Variants in YTHDF1 observed in about 807,000 individuals in gnomAD.
YTHDF1 encodes YTH N6-methyladenosine RNA binding protein F1.
A neutral mutation model predicts 49.1 loss-of-function variants in YTHDF1; 16 were observed. The ratio of observed to expected loss-of-function variants is 0.33; its 90% CI spans 0.22 to 0.49. The LOEUF (loss-of-function observed/expected upper bound fraction) is 0.49. YTHDF1 is among the 20% of genes least tolerant of loss of function. The pLI is 0.99. For synonymous variants in YTHDF1, 313 were observed against 290.1 expected, an observed-to-expected ratio of 1.08 and a Z score of -0.80; for missense variants, 621 against 744.3, an observed-to-expected ratio of 0.83 and a Z score of 1.93.
intron 3 of YTHDF1, among the ~76,000 whole-genome samples, chr20:63,208,111 A>T (rs1403114364): frequency 6.6e-6 from 1 of 152,228 alleles, no homozygotes; most frequent in East Asian, 1.9e-4. Context: ...TTTAAGTTGA[A>T]GTTCAATGGT....
intron 4 of YTHDF1, among the ~76,000 whole-genome samples, chr20:63,199,380 G>A (rs1198905619): frequency 1.3e-5 from 2 of 152,098 alleles, no homozygotes; most frequent in African/African-American, 2.4e-5. Context: ...TTCGCTGGGC[G>A]TGGTGGCAAG....
intron 4 of YTHDF1, 34 bp from the exon 5 acceptor site, chr20:63,196,768 G>A: frequency 6.2e-7 from 1 of 1,613,318 alleles, no homozygotes; most frequent in Non-Finnish European, 8.5e-7. Flanking sequence ...TGAACGCAGA[G>A]TAACCACACC....
At chr20:63,204,886 G>A (rs1432582452) in intron 3 of YTHDF1, among the ~76,000 whole-genome samples, 1 of 152,122 alleles carries the variant, frequency 6.6e-6, no homozygotes, top group Admixed American at 6.5e-5. Flanking sequence ...TGACTTTCGT[G>A]TGAGGTGTGT....
rs1313377636 is a variant in YTHDF1 at position 63,215,768 on chromosome 20, G to T, written c.27+98C>A. On this transcript the variant is annotated intron_variant, in intron 1 of 4. Coordinates refer to ENST00000370339, the MANE Select transcript of YTHDF1 (RefSeq NM_017798.4). ...GAGACCCCGGTCCCGCCTGGGCCCG[G>T]CCTCCGCGACCCCGGGCTCTGCGTT... The T allele has an allele frequency of 2.2e-6, 3 of 1,382,128 alleles. No individual in the cohort carries two copies. In the African/African-American group the frequency reaches 4.6e-5, roughly 21 times the overall value. 85.6% of individuals were successfully genotyped at this position (1,382,128 alleles called of 1,614,324 possible).
At chr20:63,200,891 A>G (rs2066514111) in intron 4 of YTHDF1, among the ~76,000 whole-genome samples, 1 of 152,116 alleles carries the variant, frequency 6.6e-6, no homozygotes, top group South Asian at 2.1e-4. Flanking sequence ...TTCATTTTAT[A>G]CCTAAAAGTC....
At chr20:63,208,305 T>G (rs757378182) in intron 3 of YTHDF1, among the ~76,000 whole-genome samples, 11 of 152,070 alleles carry the variant, frequency 7.2e-5, no homozygotes, top group Non-Finnish European at 1.6e-4. Flanking sequence ...GTATTAAGGG[T>G]ACTGCTGAAA....
At chr20:63,214,604 G>A (rs1476135947) in intron 2 of YTHDF1, among the ~76,000 whole-genome samples, 1 of 152,158 alleles carries the variant, frequency 6.6e-6, no homozygotes, top group Non-Finnish European at 1.5e-5. Context: ...GGAGAGGCGG[G>A]ACAACTTGAA....
intron 3 of YTHDF1, among the ~76,000 whole-genome samples, chr20:63,205,695 GAC>G (rs1405404766): frequency 6.6e-6 from 1 of 152,040 alleles, no homozygotes; most frequent in Non-Finnish European, 1.5e-5. Flanking sequence ...TTTTAGTAGA[GAC>G]AGGATTTCAT....
At chr20:63,210,944 T>G (rs922781684) in intron 3 of YTHDF1, among the ~76,000 whole-genome samples, 1 of 152,154 alleles carries the variant, frequency 6.6e-6, no homozygotes, top group Non-Finnish European at 1.5e-5. Context: ...CAACTAGGAC[T>G]GAAACTCTAG....
At position 63,202,862 on chromosome 20, in the gene YTHDF1, G is replaced by A; in HGVS notation, c.1078C>T (p.Pro360Ser). 6.2e-7 allele frequency: 1 copy of A among 1,613,940 alleles called. No individual in the cohort carries two copies. Among genetic ancestry groups the A allele is most frequent in the Non-Finnish European group, 8.5e-7 (1 of 1,180,056 alleles). ...SPGNVQPNSA[P>S]SVESHPVLEK... The stretch of plus-strand genomic sequence containing the variant: ...AGGACGGGGTGGGATTCGACGCTGG[G>A]GGCAGAATTAGGCTGGACGTTTCCA... The change falls in exon 4 of 5, where the codon CCC becomes TCC. Residue 360 changes from proline (P) to serine (S), a missense_variant. Physicochemically the swap from Pro to Ser is moderately conservative, Grantham distance 74. Transcript: ENST00000370339.
At chr20:63,199,970 C>G (rs1044169438) in intron 4 of YTHDF1, among the ~76,000 whole-genome samples, 3 of 152,134 alleles carry the variant, frequency 2.0e-5, no homozygotes, top group Non-Finnish European at 4.4e-5. Context: ...AGGAAGACCG[C>G]TTGAGCCCAG....
Position 63,196,730 on chromosome 20 carries a change from C to A in YTHDF1, c.1658G>T (p.Arg553Leu). Residue 553 changes from arginine (R) to leucine (L), a missense_variant, in exon 5 of 5, where the codon CGG becomes CTG. Arg to Leu is a moderately radical substitution (Grantham distance 102, BLOSUM62 -2). Around this residue, in one of 2 missense-constraint regions of YTHDF1, gnomAD observed 151 missense variants for 248.5 expected, o/e 0.61. Transcript: ENST00000370339. ...QEEEEVVRKERQSRNKQ is the reference protein window; with the variant it reads ...QEEEEVVRKELQSRNKQ The stretch of plus-strand genomic sequence containing the variant: ...CCCTCATTGTTTGTTTCGACTCTGC[C>A]GTTCCTGTAAAAAGAAAAAACAAAA... The A allele has an allele frequency of 6.2e-7, 1 of 1,613,686 alleles. No homozygotes were observed. Among genetic ancestry groups the A allele is most frequent in the Non-Finnish European group, 8.5e-7 (1 of 1,179,914 alleles).
rs2122967247 is a variant in YTHDF1, at chr20:63,195,794, T to C, written c.*914A>G. The C allele has an allele frequency of 6.6e-6, 1 of 152,320 alleles. No individual in the cohort carries two copies. The highest frequency in any genetic ancestry group is 3.4e-3 in the Middle Eastern group (1 of 294). 9.4% of individuals were successfully genotyped at this position (152,320 alleles called of 1,614,324 possible). A position where few individuals can be genotyped will look rare whatever the true frequency, so the allele number is the denominator to read the frequency against. On this transcript the variant is annotated 3_prime_UTR_variant, in exon 5 of 5. Coordinates refer to ENST00000370339, the MANE Select transcript of YTHDF1 (RefSeq NM_017798.4). ...TTCTAAAAAAAGTTTTGTTTTGTTT[T>C]TACCCATTCAACAGGAAAAAAAATT...
chr20:63,201,382 TA>T (rs771644516), intron 4 of YTHDF1, among the ~76,000 whole-genome samples: 5 of 152,224 alleles, frequency 3.3e-5, no homozygotes, highest in Non-Finnish European at 7.3e-5. Flanking sequence ...CAGGAAGGGA[TA>T]TTTTTTAAAA....
At chr20:63,215,431 C>T (rs2066596845) in intron 2 of YTHDF1, 146 bp downstream of exon 2, 3 of 1,090,366 alleles carry the variant, frequency 2.8e-6, no homozygotes, top group Admixed American at 4.1e-5. Flanking sequence ...TCAAATCTCC[C>T]AGAATCGTCG....
chr20:63,216,015 C>T lies in YTHDF1; in HGVS notation c.-123G>A, dbSNP rs1459819122. On this transcript the variant is annotated 5_prime_UTR_variant, in exon 1 of 5. Coordinates refer to ENST00000370339, the MANE Select transcript of YTHDF1 (RefSeq NM_017798.4). The stretch of plus-strand genomic sequence containing the variant: ...CGCCGCCAATTCCCCGGGCGCCGGC[C>T]GGGCGGCGGCGGCGGCTGCTGGGCG... 1 of 892,766 alleles carries T rather than the reference C, an allele frequency of 1.1e-6. No individual in the cohort carries two copies. Among genetic ancestry groups the T allele is most frequent in the Admixed American group, 6.0e-5 (1 of 16,596 alleles). The allele number at this position is 892,766 out of a possible 1,614,324, so 55.3% of individuals were successfully genotyped here. A position where few individuals can be genotyped will look rare whatever the true frequency, so the allele number is the denominator to read the frequency against.
chr20:63,212,198 C>T (rs1717531283), intron 3 of YTHDF1, among the ~76,000 whole-genome samples: 1 of 152,218 alleles, frequency 6.6e-6, no homozygotes, highest in Non-Finnish European at 1.5e-5. Context: ...AGAGGAAGGG[C>T]AGATTCTCAG....
At chr20:63,206,200 C>T (rs2066545320) in intron 3 of YTHDF1, among the ~76,000 whole-genome samples, 1 of 152,236 alleles carries the variant, frequency 6.6e-6, no homozygotes, top group African/African-American at 2.4e-5. Flanking sequence ...AACACATCTT[C>T]CTTCCACGCA....
rs746595835 is a variant in YTHDF1 at position 63,202,689 on chromosome 20, G to A, written c.1251C>T (p.Gly417=). ...KYSIWCSTEH[G]NKRLDSAFRC... is the part of the protein sequence containing the mutation. ...GGAAGGCGCTGTCCAGGCGCTTGTT[G>A]CCGTGCTCTGTGCTACACCAGATGG... Residue 417 remains glycine, a synonymous_variant, in exon 4 of 5, where the codon GGC becomes GGT. Coordinates refer to ENST00000370339, the MANE Select transcript of YTHDF1 (RefSeq NM_017798.4). 1 of 1,614,042 alleles carries A rather than the reference G, an allele frequency of 6.2e-7. No homozygotes were observed. The highest frequency in any genetic ancestry group is 1.7e-5 in the Admixed American group (1 of 60,032).
Sources: allele counts gnomAD v4.1 joint callset (sites outside exome capture counted in the v4.1 genomes callset), GRCh38; gene constraint gnomAD v4.1.1; regional missense constraint gnomAD v4.1.1; transcripts MANE v1.5; gene names NCBI Gene and HGNC (gene_info 2026-07-23, HGNC 2026-07-21).